ANOS1: variants seen among roughly 807,000 people sequenced by gnomAD.
The protein encoded by ANOS1 is anosmin-1.
In ANOS1, 6 loss-of-function variants were observed where a neutral mutation model predicts 59.0. The observed-to-expected ratio is 0.10, with a 90% CI of 0.06 to 0.20. ANOS1 has a LOEUF of 0.20. Among genes scored for constraint, ANOS1 ranks in the 10% least tolerant of loss-of-function variants. The probability of loss-of-function intolerance (pLI) is 1.00; values close to 1 mark genes in which losing one functional copy is unlikely to be tolerated. For synonymous variants in ANOS1, 217 were observed against 223.4 expected, an observed-to-expected ratio of 0.97 and a Z score of 0.25; for missense variants, 433 against 542.3, an observed-to-expected ratio of 0.80 and a Z score of 2.00.
chrX:8,634,024 G>A (rs151292083), intron 2 of ANOS1, among the ~76,000 whole-genome samples: 4 of 111,713 alleles, frequency 3.6e-5, no homozygotes, highest in East Asian at 2.8e-4. Context: ...AGATGTTGGC[G>A]TTACATCAAT....
intron 2 of ANOS1, among the ~76,000 whole-genome samples, chrX:8,694,146 G>T (rs1932648353): frequency 9.0e-6 from 1 of 111,694 alleles, no homozygotes; most frequent in Non-Finnish European, 1.9e-5. Flanking sequence ...TATCACTAGG[G>T]CCTAGGGCAT....
chrX:8,623,375 T>C (rs1227887079), intron 3 of ANOS1, among the ~76,000 whole-genome samples: 1 of 110,819 alleles, frequency 9.0e-6, no homozygotes, highest in African/African-American at 3.3e-5. Context: ...GTCTTCCATC[T>C]ACACATCATA....
chrX:8,714,351 C>A (rs746755025), intron 1 of ANOS1, among the ~76,000 whole-genome samples: 1 of 111,673 alleles, frequency 9.0e-6, no homozygotes, highest in South Asian at 3.8e-4. Flanking sequence ...CACATTACTG[C>A]CTGGAATCTG....
chrX:8,632,050 G>T (rs1464207504), intron 2 of ANOS1, among the ~76,000 whole-genome samples: 1 of 111,821 alleles, frequency 8.9e-6, no homozygotes, highest in African/African-American at 3.3e-5. Flanking sequence ...TGCCTTCGTG[G>T]ATGCAATTCT....
intron 4 of ANOS1, among the ~76,000 whole-genome samples, chrX:8,595,596 A>T (rs902391020): frequency 1.8e-5 from 2 of 112,225 alleles, no homozygotes; most frequent in African/African-American, 6.5e-5. Context: ...CATAAATCAA[A>T]ACTGGCATTG....
chrX:8,582,361 G>A (rs1930440520), intron 6 of ANOS1, among the ~76,000 whole-genome samples: 2 of 112,077 alleles, frequency 1.8e-5, no homozygotes, highest in South Asian at 7.5e-4. Context: ...GCATATCCCC[G>A]GTCCAGGACC....
intron 2 of ANOS1, among the ~76,000 whole-genome samples, chrX:8,697,759 G>A (rs1293784250): frequency 8.9e-6 from 1 of 112,011 alleles, no homozygotes; most frequent in African/African-American, 3.2e-5. Flanking sequence ...GGTTTCTAGA[G>A]TTGTTGGCCT....
rs748484813 is a variant in ANOS1, at chrX:8,591,445, A to G, written c.542-3467T>C. 1.1e-4 allele frequency among the ~76,000 whole-genome samples: 12 copies of G among 111,397 alleles called. No homozygotes were observed. In the South Asian group the frequency reaches 4.6e-3, roughly 43 times the overall value. On this transcript the variant is annotated intron_variant, in intron 4 of 13. Transcript: ENST00000262648. ...TAGAGTAAATATAGCTACAGTAAATAGCCTCCGAAGTGACCTGAACTCACC... is the reference window on the plus strand; with the variant it reads ...TAGAGTAAATATAGCTACAGTAAATGGCCTCCGAAGTGACCTGAACTCACC...
intron 2 of ANOS1, among the ~76,000 whole-genome samples, chrX:8,663,049 A>AATAAAATAAT (rs1932067580): frequency 9.0e-6 from 1 of 111,064 alleles, no homozygotes; most frequent in Non-Finnish European, 1.9e-5. Flanking sequence ...AATAAAATAA[A>AATAAAATAAT]ATAAAGATGT....
chrX:8,608,030 A>C (rs892662896), intron 3 of ANOS1, among the ~76,000 whole-genome samples: 1 of 111,930 alleles, frequency 8.9e-6, no homozygotes. Context: ...AAAAAGAGAG[A>C]GGGAACAGAA....
chrX:8,665,104 C>T (rs113513888), intron 2 of ANOS1, among the ~76,000 whole-genome samples: 2,104 of 111,580 alleles, frequency 0.019, 20 homozygotes, highest in African/African-American at 0.038. Flanking sequence ...AAAGGCGGGA[C>T]GTGCTCCCAG....
Position 8,723,129 on chromosome X carries a change from C to G in ANOS1, c.207+8701G>C, listed in dbSNP as rs1932887113. On this transcript the variant is annotated intron_variant, in intron 1 of 13. Transcript: ENST00000262648. Reference sequence around the variant, plus strand: ...TTCTAGAAGATAACATTGGAATAACCCTTTGAGACACTGGCTTAGGCAAAG... The same window carrying G: ...TTCTAGAAGATAACATTGGAATAACGCTTTGAGACACTGGCTTAGGCAAAG... Among the ~76,000 whole-genome samples the G allele has an allele frequency of 5.3e-5, 6 of 112,188 alleles. No homozygotes were observed. In the South Asian group the frequency reaches 2.2e-3, roughly 41 times the overall value.
intron 8 of ANOS1, among the ~76,000 whole-genome samples, chrX:8,567,107 T>C (rs777288311): frequency 1.8e-5 from 2 of 112,083 alleles, no homozygotes; most frequent in East Asian, 5.6e-4. Context: ...TGCATGGCAG[T>C]TCTAACCGGT....
Position 8,535,587 on chromosome X carries a change from C to G in ANOS1, c.1842+4G>C. The G allele has an allele frequency of 8.4e-7, 1 of 1,188,768 alleles. No individual in the cohort carries two copies. The highest frequency in any genetic ancestry group is 1.1e-6 in the Non-Finnish European group (1 of 874,494). On this transcript the variant is annotated splice_donor_region_variant and intron_variant, in intron 12 of 13. Transcript: ENST00000262648. ...ACAGACATAGTACAAGAGGTGGGAC[C>G]TACGGAAGGCAGGATCTGGGACTGT...
At chrX:8,605,328 G>A (rs1930919446) in intron 3 of ANOS1, among the ~76,000 whole-genome samples, 1 of 111,168 alleles carries the variant, frequency 9.0e-6, no homozygotes, top group African/African-American at 3.3e-5. Context: ...TGAAGACAAG[G>A]TAGTGAGACA....
intron 8 of ANOS1, among the ~76,000 whole-genome samples, chrX:8,557,499 C>G (rs1177642465): frequency 8.9e-6 from 1 of 111,999 alleles, no homozygotes; most frequent in Non-Finnish European, 1.9e-5. Context: ...ACAACTCCAT[C>G]AAAAAGTGGG....
intron 3 of ANOS1, among the ~76,000 whole-genome samples, chrX:8,622,113 C>T (rs1181728538): frequency 3.6e-5 from 4 of 110,885 alleles, no homozygotes; most frequent in Non-Finnish European, 3.8e-5. Context: ...ATTGGCCAAG[C>T]GGAGTTGACC....
intron 2 of ANOS1, among the ~76,000 whole-genome samples, chrX:8,686,852 G>A (rs1932530440): frequency 1.8e-5 from 2 of 112,044 alleles, no homozygotes; most frequent in Non-Finnish European, 3.8e-5. Flanking sequence ...TACTCAGAAG[G>A]CTGAGGCAGG....
rs1569094270 is a variant in ANOS1, at chrX:8,732,101, G to A, written c.-65C>T. 2 of 809,961 alleles carry A rather than the reference G, an allele frequency of 2.5e-6. No homozygotes were observed. The highest frequency in any genetic ancestry group is 3.1e-6 in the Non-Finnish European group (2 of 651,485). The allele number at this position is 809,961 out of a possible 1,213,427, so 66.7% of individuals were successfully genotyped here. ...GGCCGAGGCTCCCTGCTCCGCGCCG[G>A]GGCTGCACTGCTGAGGACCAGGCAG... On this transcript the variant is annotated 5_prime_UTR_variant, in exon 1 of 14. Coordinates refer to ENST00000262648, the MANE Select transcript of ANOS1 (RefSeq NM_000216.4).
Sources: gnomAD v4.1 joint callset for allele counts (sites outside exome capture counted in the v4.1 genomes callset) on GRCh38, gnomAD v4.1.1 for gene constraint, MANE v1.5 for transcripts, NCBI Gene and HGNC (gene_info 2026-07-23, HGNC 2026-07-21) for gene names.